FIRRM: variants seen among roughly 807,000 people sequenced by gnomAD.
FIRRM encodes the protein FIGNL1-interacting regulator of recombination and mitosis.
At chr1:169,795,074 G>A in the FIRRM span, 2 of 1,514,252 alleles carry the variant, frequency 1.3e-6, no homozygotes, top group Non-Finnish European at 1.8e-6. Context: ...TGGCGGGTCT[G>A]GTTTGAAGCT....
chr1:169,799,625 C>T, the FIRRM span, among the ~76,000 whole-genome samples: 1 of 152,156 alleles, frequency 6.6e-6, no homozygotes, highest in East Asian at 1.9e-4. Context: ...GATCTTTGCT[C>T]ACTGCAACCT....
chr1:169,832,868 T>G, the FIRRM span, among the ~76,000 whole-genome samples: 1 of 152,146 alleles, frequency 6.6e-6, no homozygotes, highest in African/African-American at 2.4e-5. Context: ...CCTTCCAAAG[T>G]GCTGAGATTG....
chr1:169,784,009 C>G, the FIRRM span: 1 of 152,608 alleles, frequency 6.6e-6, no homozygotes, highest in African/African-American at 2.4e-5. Flanking sequence ...TGGTCTTGAA[C>G]TCCTTGGCTA....
the FIRRM span, chr1:169,799,013 C>A: frequency 1.5e-6 from 1 of 684,758 alleles, no homozygotes; most frequent in South Asian, 2.0e-5. Flanking sequence ...GTCCGAGTCC[C>A]CACATACCTC....
At chr1:169,829,580 C>G in the FIRRM span, 6 of 815,756 alleles carry the variant, frequency 7.4e-6, no homozygotes, top group East Asian at 1.4e-4. Flanking sequence ...TTAGTTGTGT[C>G]CTAGAAAATG....
the FIRRM span, among the ~76,000 whole-genome samples, chr1:169,810,337 C>G: frequency 6.6e-6 from 1 of 152,140 alleles, no homozygotes; most frequent in Non-Finnish European, 1.5e-5. Context: ...TATTAATTTC[C>G]TGGGGTTGCC....
chr1:169,805,609 C>T, the FIRRM span, among the ~76,000 whole-genome samples: 1 of 152,160 alleles, frequency 6.6e-6, no homozygotes, highest in Non-Finnish European at 1.5e-5. Context: ...GAGTAAAAGC[C>T]TTGCATGAAT....
At chr1:169,793,957 T>G in the FIRRM span, 2 of 338,460 alleles carry the variant, frequency 5.9e-6, no homozygotes, top group African/African-American at 2.2e-5. Flanking sequence ...ATGGCACATT[T>G]CACTAAAGTG....
chr1:169,808,856 C>T, the FIRRM span, among the ~76,000 whole-genome samples: 1 of 152,172 alleles, frequency 6.6e-6, no homozygotes, highest in Admixed American at 6.5e-5. Flanking sequence ...GCCTTGGCCT[C>T]CCAAAGTGCT....
At chr1:169,852,049 A>G in the FIRRM span, 1 of 1,439,480 alleles carries the variant, frequency 6.9e-7, no homozygotes, top group Non-Finnish European at 9.6e-7. Context: ...TTTCAAATCA[A>G]ATAGATCTAG....
the FIRRM span, chr1:169,792,707 A>C: frequency 1.2e-6 from 2 of 1,613,828 alleles, no homozygotes; most frequent in South Asian, 2.2e-5. Context: ...ACCTCCACCT[A>C]CACCAAAATA....
At chr1:169,800,715 C>CT in the FIRRM span, among the ~76,000 whole-genome samples, 1,202 of 136,868 alleles carry the variant, frequency 8.8e-3, 42 homozygotes, top group African/African-American at 0.026. Context: ...TCCTTTCTCT[C>CT]TTTTTTTTTT....
chr1:169,841,804 G>T, the FIRRM span, among the ~76,000 whole-genome samples: 2 of 152,064 alleles, frequency 1.3e-5, no homozygotes, highest in Non-Finnish European at 2.9e-5. Flanking sequence ...GATTATACTG[G>T]CCACTTGTAT....
the FIRRM span, chr1:169,852,438 A>T: frequency 3.6e-6 from 1 of 280,362 alleles, no homozygotes; most frequent in Non-Finnish European, 6.7e-6. Context: ...CAACATTCTG[A>T]TAAGTTTTAG....
chr1:169,829,456 A>T, the FIRRM span: 2 of 1,605,118 alleles, frequency 1.2e-6, no homozygotes, highest in Non-Finnish European at 1.7e-6. Context: ...ACTGGTAAGC[A>T]TATTACTTAC....
At chr1:169,815,189 C>T in the FIRRM span, among the ~76,000 whole-genome samples, 8 of 150,888 alleles carry the variant, frequency 5.3e-5, no homozygotes, top group South Asian at 2.1e-4. Flanking sequence ...CCAGCTACTC[C>T]GGAGGCTGAG....
At chr1:169,827,589 G>T in the FIRRM span, 1 of 1,079,452 alleles carries the variant, frequency 9.3e-7, no homozygotes, top group Non-Finnish European at 1.4e-6. Flanking sequence ...AGTGAGCTGA[G>T]ATTACACCAC....
chr1:169,802,291 T>G, the FIRRM span, among the ~76,000 whole-genome samples: 2 of 152,154 alleles, frequency 1.3e-5, no homozygotes, highest in African/African-American at 2.4e-5. Flanking sequence ...ACAGTCAAAT[T>G]TATTGTGCGA....
chr1:169,816,874 T>C, the FIRRM span, among the ~76,000 whole-genome samples: 1 of 152,318 alleles, frequency 6.6e-6, no homozygotes, highest in East Asian at 1.9e-4. Context: ...TCCAGTTGTG[T>C]CCTGTTGCAA....
Sources: gnomAD v4.1 joint callset for allele counts (sites outside exome capture counted in the v4.1 genomes callset) on GRCh38, gnomAD v4.1.1 for gene constraint, MANE v1.5 for transcripts, NCBI Gene and HGNC (gene_info 2026-07-23, HGNC 2026-07-21) for gene names.